Variants in ZFPM1 observed in about 807,000 individuals in gnomAD.
ZFPM1 encodes the protein zinc finger protein ZFPM1.
Under a neutral mutation model 46.3 loss-of-function variants are expected in ZFPM1, and 28 were observed. That is an observed-to-expected ratio of 0.60 (90% CI 0.45 to 0.83). The LOEUF (loss-of-function observed/expected upper bound fraction) is 0.83, where lower values mean the gene tolerates loss of function less well. Ranked by LOEUF, ZFPM1 falls within the 40% of genes least tolerant of loss-of-function variation. The pLI, the probability that ZFPM1 is intolerant of heterozygous loss-of-function variation, is 0.00. For synonymous variants in ZFPM1, 957 were observed against 675.9 expected (o/e 1.42, Z -6.45); for missense variants, 1,878 against 1,432.4 (o/e 1.31, Z -5.02).
chr16:88,456,999 T>A (rs1907588610), intron 1 of ZFPM1, among the ~76,000 whole-genome samples: 1 of 152,138 alleles, frequency 6.6e-6, no homozygotes, highest in Admixed American at 6.5e-5. Context: ...GAACAAGGTG[T>A]TTTTCACACA....
intron 3 of ZFPM1, among the ~76,000 whole-genome samples, chr16:88,502,333 C>G (rs1329203584): frequency 1.3e-5 from 2 of 152,016 alleles, no homozygotes; most frequent in Admixed American, 6.5e-5. Flanking sequence ...CCTCCCACCC[C>G]GGCCCCCCGC....
rs1435164304 is a variant in ZFPM1 at position 88,534,907 on chromosome 16, C to T, written c.2949C>T (p.Phe983=). The change falls in exon 10 of 10, where the codon TTC becomes TTT. Residue 983 remains phenylalanine (F), a synonymous_variant. Transcript: ENST00000319555. ...HRYCRLCNIK[F]SSLSTFIAHK... ...ACTGCCGTCTTTGCAACATCAAGTT[C>T]AGCAGCCTGTCCACCTTCATCGCCC... The T allele has an allele frequency of 3.9e-5, 61 of 1,562,712 alleles. No homozygotes were observed. The highest frequency in any genetic ancestry group is 5.0e-5 in the Non-Finnish European group (58 of 1,158,044).
At chr16:88,467,688 G>A (rs1215934099) in intron 1 of ZFPM1, among the ~76,000 whole-genome samples, 1 of 152,150 alleles carries the variant, frequency 6.6e-6, no homozygotes, top group East Asian at 1.9e-4. Flanking sequence ...CTGGCTGCTG[G>A]GCGTGTTGGG....
intron 3 of ZFPM1, among the ~76,000 whole-genome samples, chr16:88,490,970 A>G (rs1309507862): frequency 6.6e-6 from 1 of 151,592 alleles, no homozygotes; most frequent in Non-Finnish European, 1.5e-5. Flanking sequence ...GGTGGGGAGC[A>G]GGCCCAGGAC....
rs769114952 is a variant in ZFPM1 at position 88,480,893 on chromosome 16, G to A, written c.41-5046G>A. On this transcript the variant is annotated intron_variant, in intron 1 of 9. Transcript: ENST00000319555. The surrounding 1 kb of genome is among the most constrained non-coding windows in gnomAD (Gnocchi z 4.9). The stretch of plus-strand genomic sequence containing the variant: ...GTTCAAAGGAGCCCCCCAGCGCCTC[G>A]CCATCAAAGCCGGGAGGGGCCACCT... 3.3e-5 allele frequency among the ~76,000 whole-genome samples: 5 copies of A among 152,324 alleles called. No individual in the cohort carries two copies. The highest frequency in any genetic ancestry group is 5.9e-5 in the Non-Finnish European group (4 of 68,022).
rs528728643 is a variant in ZFPM1 at position 88,534,879 on chromosome 16, G to A, written c.2921G>A (p.Arg974Gln). 25 of 1,567,440 alleles carry A rather than the reference G, an allele frequency of 1.6e-5. No individual in the cohort carries two copies. In the African/African-American group the frequency reaches 2.1e-4, roughly 13 times the overall value. ...GCGCCGCTGCCCAACGGCAACCACC[G>A]GTACTGCCGTCTTTGCAACATCAAG... ...TPAPLPNGNH[R>Q]YCRLCNIKFS... is the part of the protein sequence containing the mutation. Residue 974 changes from arginine to glutamine, a missense_variant, in exon 10 of 10, where the codon CGG becomes CAG. By Grantham distance (43) the Arg-to-Gln change is conservative. Coordinates refer to ENST00000319555, the MANE Select transcript of ZFPM1 (RefSeq NM_153813.3).
At chr16:88,492,699 G>A (rs1029628944) in intron 3 of ZFPM1, among the ~76,000 whole-genome samples, 1 of 152,206 alleles carries the variant, frequency 6.6e-6, no homozygotes, top group Non-Finnish European at 1.5e-5. Context: ...TTAGCCCGGC[G>A]GAGAGGCCCG....
intron 7 of ZFPM1, 32 bp downstream of exon 7, chr16:88,532,267 G>C: frequency 6.5e-7 from 1 of 1,549,490 alleles, no homozygotes; most frequent in Non-Finnish European, 8.7e-7. Context: ...GGGTCCTCAG[G>C]ATGCCGGCTG....
At position 88,478,469 on chromosome 16, in the gene ZFPM1, T is replaced by C. The variant is rs1409561036; in HGVS notation, c.41-7470T>C. Among the ~76,000 whole-genome samples, 5 of 152,392 alleles carry C rather than the reference T, an allele frequency of 3.3e-5. No homozygotes were observed. The East Asian group carries it at 7.7e-4, about 23-fold the overall frequency. ...GCGTCTGCGTCTACACAGCCGTTCC[T>C]GTGTTCTTTCTTTAGCACCTGGTGC... is the stretch of plus-strand genomic sequence containing the variant. On this transcript the variant is annotated intron_variant, in intron 1 of 9. Coordinates refer to ENST00000319555, the MANE Select transcript of ZFPM1 (RefSeq NM_153813.3).
chr16:88,455,666 C>T (rs952957225), intron 1 of ZFPM1, among the ~76,000 whole-genome samples: 1 of 152,106 alleles, frequency 6.6e-6, no homozygotes, highest in Non-Finnish European at 1.5e-5. Context: ...GGCGCAGCTG[C>T]CCGCGCCTCT....
rs543590117 is a variant in ZFPM1, at chr16:88,493,892, C to G, written c.268+4739C>G. Among the ~76,000 whole-genome samples, 31 of 152,278 alleles carry G rather than the reference C, an allele frequency of 2.0e-4. No individual in the cohort carries two copies. In the South Asian group the frequency reaches 6.2e-3, roughly 31 times the overall value. ...TGCTGCGAGCGGCTTTGCTCTCGAG[C>G]GCCACGGCTTCAAAGGAGGGCACCT... On this transcript the variant is annotated intron_variant, in intron 3 of 9. Transcript: ENST00000319555.
intron 4 of ZFPM1, among the ~76,000 whole-genome samples, chr16:88,520,558 A>G (rs111172647): frequency 2.2e-3 from 241 of 108,248 alleles, no homozygotes; most frequent in African/African-American, 7.5e-3. Context: ...GGATGGATGG[A>G]TGGATGGATG....
upstream of ZFPM1, among the ~76,000 whole-genome samples, chr16:88,452,457 C>T (rs1434840008): frequency 2.0e-5 from 3 of 152,188 alleles, no homozygotes; most frequent in Non-Finnish European, 2.9e-5. Flanking sequence ...CAAGTGGCAA[C>T]GCCCAGGGCT....
intron 4 of ZFPM1, among the ~76,000 whole-genome samples, chr16:88,518,737 G>GGA (rs1911539071): frequency 1.6e-5 from 2 of 126,122 alleles, no homozygotes; most frequent in Non-Finnish European, 3.3e-5. Context: ...GGCTGAGAGG[G>GGA]TGGATGGATG....
chr16:88,476,186 C>CCTCA (rs1472584936), intron 1 of ZFPM1, among the ~76,000 whole-genome samples: 1 of 152,086 alleles, frequency 6.6e-6, no homozygotes, highest in Non-Finnish European at 1.5e-5. Flanking sequence ...GGTGAGCAGG[C>CCTCA]TGAGACCCGA....
intron 4 of ZFPM1, among the ~76,000 whole-genome samples, chr16:88,526,055 AGGCCAGGGG>A (rs1331150178): frequency 6.6e-6 from 1 of 152,140 alleles, no homozygotes; most frequent in African/African-American, 2.4e-5. Context: ...GGTGACAGTG[AGGCCAGGGG>A]GGCCAGGGCC....
chr16:88,452,181 G>A (rs1005263655), upstream of ZFPM1, among the ~76,000 whole-genome samples: 24 of 152,188 alleles, frequency 1.6e-4, no homozygotes, highest in Admixed American at 6.5e-5. Context: ...ATTAAAAGGA[G>A]ATGATACAAC....
At chr16:88,520,830 TGGGAGGGA>T (rs1234363320) in intron 4 of ZFPM1, among the ~76,000 whole-genome samples, 1 of 39,846 alleles carries the variant, frequency 2.5e-5, no homozygotes, top group Non-Finnish European at 4.6e-5. Flanking sequence ...GATGGATGGA[TGGGAGGGA>T]GGGAGGGAGT....
chr16:88,467,460 G>A (rs562076308), intron 1 of ZFPM1, among the ~76,000 whole-genome samples: 1 of 151,772 alleles, frequency 6.6e-6, no homozygotes, highest in East Asian at 2.0e-4. Context: ...CTCAGCACCC[G>A]CCCCAGTGAC....
Sources: gnomAD v4.1 joint callset for allele counts (sites outside exome capture counted in the v4.1 genomes callset) on GRCh38, gnomAD v4.1.1 for gene constraint, Gnocchi (gnomAD v3.1) non-coding constraint, MANE v1.5 for transcripts, NCBI Gene and HGNC (gene_info 2026-07-23, HGNC 2026-07-21) for gene names.